Variants in RAD17 observed in about 807,000 individuals in gnomAD.
The protein encoded by RAD17 is cell cycle checkpoint protein RAD17.
RAD17 carries 31 observed loss-of-function variants against 81.5 expected under a neutral mutation model. The observed-to-expected ratio is 0.38, with a 90% CI of 0.29 to 0.51. The LOEUF (loss-of-function observed/expected upper bound fraction) is 0.51, where lower values mean the gene tolerates loss of function less well. RAD17 is among the 20% of genes least tolerant of loss of function. RAD17 has a pLI of 0.88. For synonymous variants in RAD17, 261 were observed against 266.2 expected, an observed-to-expected ratio of 0.98 and a Z score of 0.19; for missense variants, 681 against 781.2, an observed-to-expected ratio of 0.87 and a Z score of 1.53.
At chr5:69,391,133 G>A (rs1764530160) in intron 12 of RAD17, among the ~76,000 whole-genome samples, 1 of 151,242 alleles carries the variant, frequency 6.6e-6, no homozygotes. Context: ...GGGAGGCTGA[G>A]GCAGGAGAAT....
At chr5:69,388,416 A>G (rs1301924451) in intron 11 of RAD17, among the ~76,000 whole-genome samples, 2 of 152,152 alleles carry the variant, frequency 1.3e-5, no homozygotes, top group African/African-American at 4.8e-5. Flanking sequence ...GTGTACACAT[A>G]TATGTTGTTA....
In RAD17 at chr5:69,410,452, C is replaced by A. The variant is rs1392957882; in HGVS notation, c.1694-41C>A. 2.6e-6 allele frequency: 4 copies of A among 1,524,380 alleles called. No individual in the cohort carries two copies. In the South Asian group the frequency reaches 4.6e-5, roughly 17 times the overall value. 94.4% of individuals were successfully genotyped at this position (1,524,380 alleles called of 1,614,324 possible). Reference sequence around the variant, plus strand: ...TGCTTATTGGCCATTTGTATATTTTCTTTGGAAAATTGTTTACAACTTTTA... The same window carrying A: ...TGCTTATTGGCCATTTGTATATTTTATTTGGAAAATTGTTTACAACTTTTA... On this transcript the variant is annotated intron_variant, in intron 17 of 18. Coordinates refer to ENST00000354868, the MANE Select transcript of RAD17 (RefSeq NM_133338.3).
At chr5:69,390,723 G>A (rs2150828641) in intron 12 of RAD17, among the ~76,000 whole-genome samples, 1 of 152,106 alleles carries the variant, frequency 6.6e-6, no homozygotes, top group Admixed American at 6.6e-5. Context: ...AGGAGACTGA[G>A]GTGGAAGAAA....
intron 7 of RAD17, among the ~76,000 whole-genome samples, chr5:69,383,180 C>T (rs563601560): frequency 6.6e-6 from 1 of 152,164 alleles, no homozygotes; most frequent in Non-Finnish European, 1.5e-5. Context: ...TTTCATATTG[C>T]AACTCCAGGT....
intron 17 of RAD17, among the ~76,000 whole-genome samples, chr5:69,407,858 C>T (rs1238414729): frequency 6.6e-6 from 1 of 152,138 alleles, no homozygotes; most frequent in Non-Finnish European, 1.5e-5. Context: ...GGCCTATGTC[C>T]AAGTTTGATG....
At chr5:69,403,323 C>T (rs1453895449) in intron 17 of RAD17, among the ~76,000 whole-genome samples, 1 of 152,090 alleles carries the variant, frequency 6.6e-6, no homozygotes. Context: ...TGTACGATCC[C>T]TCAATTTGGG....
At chr5:69,375,154 T>C (rs1261684456) in intron 6 of RAD17, among the ~76,000 whole-genome samples, 1 of 152,170 alleles carries the variant, frequency 6.6e-6, no homozygotes, top group African/African-American at 2.4e-5. Flanking sequence ...AAAAGAAAGC[T>C]TCATGACTTT....
At chr5:69,386,580 A>G (rs1764227536) in intron 11 of RAD17, 115 bp downstream of exon 11, 1 of 1,207,994 alleles carries the variant, frequency 8.3e-7, no homozygotes, top group Middle Eastern at 3.0e-4. Context: ...ACATTTTATT[A>G]TACTCATAAG....
In RAD17 at chr5:69,369,843, G is replaced by A. The variant is rs1052393264; in HGVS notation, c.-507G>A. 1.7e-5 allele frequency: 14 copies of A among 841,152 alleles called. No homozygotes were observed. In the African/African-American group the frequency reaches 1.9e-4, roughly 11 times the overall value. 52.1% of individuals were successfully genotyped at this position (841,152 alleles called of 1,614,324 possible). On this transcript the variant is annotated 5_prime_UTR_variant, in exon 1 of 19. Coordinates refer to ENST00000354868, the MANE Select transcript of RAD17 (RefSeq NM_133338.3). Reference sequence around the variant, plus strand: ...GTACCTCCGAGAGGCTCGGCGTTGAGCCCGGGTAGGGCCAGGTGGCTGCCC... The same window carrying A: ...GTACCTCCGAGAGGCTCGGCGTTGAACCCGGGTAGGGCCAGGTGGCTGCCC...
At chr5:69,383,969 C>T (rs559126530) in intron 7 of RAD17, 1 of 152,128 alleles carries the variant, frequency 6.6e-6, no homozygotes, top group South Asian at 2.1e-4. Context: ...TTTATCACTC[C>T]AGCCTGACCA....
chr5:69,388,554 A>G (rs17236366), intron 11 of RAD17, among the ~76,000 whole-genome samples: 161 of 152,340 alleles, frequency 1.1e-3, no homozygotes, highest in African/African-American at 3.7e-3. Context: ...TAAGTCATTG[A>G]AGCTTGTATC....
chr5:69,381,733 A>T (rs1290042796), intron 6 of RAD17, among the ~76,000 whole-genome samples, 168 bp from the exon 7 acceptor site: 1 of 152,192 alleles, frequency 6.6e-6, no homozygotes, highest in Non-Finnish European at 1.5e-5. Flanking sequence ...AAAAGAAAAA[A>T]ATAAAGCTGG....
rs73772550 is a variant in RAD17, at chr5:69,378,594, C to T, written c.352-3307C>T. Among the ~76,000 whole-genome samples, 948 of 152,298 alleles carry T rather than the reference C, an allele frequency of 6.2e-3. 7 individuals carry two copies. The highest frequency in any genetic ancestry group is 0.022 in the African/African-American group (897 of 41,566). Reference sequence around the variant, plus strand: ...AATTAGCAAATACTGAACCATTATTCTAAGAAAAACACTAAATTAGGTTTT... The same window carrying T: ...AATTAGCAAATACTGAACCATTATTTTAAGAAAAACACTAAATTAGGTTTT... On this transcript the variant is annotated intron_variant, in intron 6 of 18. Coordinates refer to ENST00000354868, the MANE Select transcript of RAD17 (RefSeq NM_133338.3).
intron 11 of RAD17, among the ~76,000 whole-genome samples, chr5:69,387,228 T>C (rs1031893534): frequency 6.6e-6 from 1 of 152,130 alleles, no homozygotes; most frequent in African/African-American, 2.4e-5. Context: ...CCGGCTTCTT[T>C]TCACTTTTAG....
At chr5:69,399,708 T>C (rs1452741719) in intron 16 of RAD17, among the ~76,000 whole-genome samples, 1 of 152,114 alleles carries the variant, frequency 6.6e-6, no homozygotes, top group Non-Finnish European at 1.5e-5. Context: ...GAAAACAAAT[T>C]ATTTCATTGA....
chr5:69,399,490 A>G (rs182842765), intron 16 of RAD17, among the ~76,000 whole-genome samples: 7 of 152,256 alleles, frequency 4.6e-5, no homozygotes, highest in Admixed American at 1.3e-4. Flanking sequence ...AAATTACCCT[A>G]TAATTTATTA....
At chr5:69,380,324 G>A (rs113679279) in intron 6 of RAD17, among the ~76,000 whole-genome samples, 50 of 152,218 alleles carry the variant, frequency 3.3e-4, no homozygotes, top group African/African-American at 1.1e-3. Flanking sequence ...CTTTTATACA[G>A]CACAGTAGGT....
intron 17 of RAD17, among the ~76,000 whole-genome samples, chr5:69,401,349 T>C (rs1765253214): frequency 6.6e-6 from 1 of 152,242 alleles, no homozygotes; most frequent in Non-Finnish European, 1.5e-5. Flanking sequence ...TTTAATTTGC[T>C]TATGTCACTT....
At chr5:69,392,817 ATAGTAAATAAAAGAG>A in intron 13 of RAD17, 1 of 467,256 alleles carries the variant, frequency 2.1e-6, no homozygotes, top group Non-Finnish European at 4.2e-6. Context: ...ATCTTCCTAC[ATAGTAAATAAAAGAG>A]TAAAGACCAC....
Sources: allele counts gnomAD v4.1 joint callset (sites outside exome capture counted in the v4.1 genomes callset), GRCh38; gene constraint gnomAD v4.1.1; transcripts MANE v1.5; gene names NCBI Gene and HGNC (gene_info 2026-07-23, HGNC 2026-07-21).